The following ACBD6 variants were observed in gnomAD, a reference collection of about 807,000 sequenced individuals.
ACBD6 encodes acyl-CoA binding domain containing 6, also known as acyl-CoA-binding domain-containing protein 6.
In ACBD6, 28 loss-of-function variants were observed where a neutral mutation model predicts 37.2. The ratio of observed to expected loss-of-function variants is 0.75; its 90% confidence interval spans 0.56 to 1.03. The LOEUF is 1.03. Among genes scored for constraint, ACBD6 ranks in the 50% least tolerant of loss-of-function variants. ACBD6 has a pLI of 0.00. For synonymous variants in ACBD6, 113 were observed against 126.8 expected, an observed-to-expected ratio of 0.89 and a Z score of 0.73; for missense variants, 340 against 337.4, an observed-to-expected ratio of 1.01 and a Z score of -0.06.
intron 7 of ACBD6, among the ~76,000 whole-genome samples, chr1:180,291,844 G>C (rs1649720883): frequency 6.6e-6 from 1 of 151,898 alleles, no homozygotes; most frequent in East Asian, 1.9e-4. Flanking sequence ...TACCTTCCCA[G>C]TTAATTTTTG....
chr1:180,352,234 A>G (rs1652447607), intron 6 of ACBD6, among the ~76,000 whole-genome samples: 1 of 152,128 alleles, frequency 6.6e-6, no homozygotes, highest in African/African-American at 2.4e-5. Flanking sequence ...TGATTGCACA[A>G]CAATGTGAAT....
intron 1 of ACBD6, among the ~76,000 whole-genome samples, chr1:180,501,308 A>G (rs1413525556): frequency 6.6e-6 from 1 of 151,740 alleles, no homozygotes; most frequent in Non-Finnish European, 1.5e-5. Context: ...AATCACAATA[A>G]AAGTTGTAAT....
intron 2 of ACBD6, among the ~76,000 whole-genome samples, chr1:180,493,819 T>C (rs1229327198): frequency 1.3e-5 from 2 of 152,014 alleles, no homozygotes; most frequent in Non-Finnish European, 2.9e-5. Flanking sequence ...GTCTTCCACA[T>C]TGTTGGTATT....
chr1:180,366,826 T>G (rs1453379726), intron 6 of ACBD6, among the ~76,000 whole-genome samples: 2 of 152,170 alleles, frequency 1.3e-5, no homozygotes, highest in East Asian at 1.9e-4. Context: ...TATTACTATA[T>G]CCTCATAAAA....
intron 6 of ACBD6, among the ~76,000 whole-genome samples, chr1:180,347,806 C>G (rs541033636): frequency 1.3e-5 from 2 of 152,036 alleles, no homozygotes; most frequent in South Asian, 4.1e-4. Context: ...CCCATCTCTA[C>G]TAAAAATACA....
chr1:180,314,098 T>C (rs1369773709), intron 7 of ACBD6, among the ~76,000 whole-genome samples: 1 of 152,222 alleles, frequency 6.6e-6, no homozygotes, highest in Non-Finnish European at 1.5e-5. Context: ...GATTTTAACA[T>C]CTTTCTTGTC....
At position 180,421,260 on chromosome 1, in the gene ACBD6, T is replaced by C. The variant is rs143129712; in HGVS notation, c.468-7789A>G. On this transcript the variant is annotated intron_variant, in intron 4 of 7. Coordinates refer to ENST00000367595, the MANE Select transcript of ACBD6 (RefSeq NM_032360.4). ...CAGCTCCCACTTACAAGTGAGAACATGTGGTGTTTGGTTTTCTCTTCCTGT... is the reference window on the plus strand; with the variant it reads ...CAGCTCCCACTTACAAGTGAGAACACGTGGTGTTTGGTTTTCTCTTCCTGT... 3.5e-3 allele frequency among the ~76,000 whole-genome samples: 530 copies of C among 152,292 alleles called. 2 individuals carry two copies. The highest frequency in any genetic ancestry group is 0.012 in the African/African-American group (509 of 41,554).
intron 6 of ACBD6, among the ~76,000 whole-genome samples, chr1:180,326,107 A>C (rs1558250686): frequency 6.6e-6 from 1 of 152,200 alleles, no homozygotes; most frequent in Non-Finnish European, 1.5e-5. Context: ...CCTTTCCTTC[A>C]GGGAAGCAAG....
At chr1:180,428,892 C>G (rs1200026423) in intron 4 of ACBD6, among the ~76,000 whole-genome samples, 1 of 152,072 alleles carries the variant, frequency 6.6e-6, no homozygotes, top group Non-Finnish European at 1.5e-5. Flanking sequence ...TTAGGATAGG[C>G]ATATCACAGA....
intron 1 of ACBD6, 33 bp from the exon 2 acceptor site, chr1:180,495,558 T>C (rs780069635): frequency 6.6e-7 from 1 of 1,518,654 alleles, no homozygotes; most frequent in South Asian, 1.1e-5. Context: ...AGAACTTATT[T>C]TTCAAAGAAA....
intron 3 of ACBD6, among the ~76,000 whole-genome samples, chr1:180,456,978 A>G (rs376759169): frequency 2.0e-5 from 3 of 152,204 alleles, no homozygotes; most frequent in African/African-American, 7.2e-5. Flanking sequence ...CACTATAACA[A>G]GTATTTAAAA....
chr1:180,477,176 G>A (rs1235181262), intron 3 of ACBD6, among the ~76,000 whole-genome samples: 1 of 152,032 alleles, frequency 6.6e-6, no homozygotes, highest in African/African-American at 2.4e-5. Context: ...TCACAACAGG[G>A]CATGCAATTT....
intron 6 of ACBD6, among the ~76,000 whole-genome samples, chr1:180,340,739 GC>G: frequency 6.6e-6 from 1 of 152,060 alleles, no homozygotes. Context: ...TTAACCAGAA[GC>G]CCAGATAGTT....
intron 10 of ACBD6, chr1:180,274,525 C>G (rs1454556656): frequency 2.5e-6 from 4 of 1,606,582 alleles, no homozygotes; most frequent in Non-Finnish European, 3.4e-6. Context: ...GCTATCCCGA[C>G]TTTCCAACTA....
At chr1:180,319,379 C>T (rs536530860) in intron 6 of ACBD6, among the ~76,000 whole-genome samples, 2 of 152,104 alleles carry the variant, frequency 1.3e-5, no homozygotes, top group South Asian at 2.1e-4. Context: ...TGTGGGTACA[C>T]AGTAGGTATA....
intron 3 of ACBD6, among the ~76,000 whole-genome samples, chr1:180,480,856 C>A (rs1651007626): frequency 6.6e-6 from 1 of 152,144 alleles, no homozygotes; most frequent in East Asian, 1.9e-4. Flanking sequence ...CATGGTGAGG[C>A]CTTGTCTCTA....
intron 3 of ACBD6, among the ~76,000 whole-genome samples, chr1:180,441,714 T>A (rs927983420): frequency 6.6e-6 from 1 of 152,242 alleles, no homozygotes; most frequent in Non-Finnish European, 1.5e-5. Context: ...GATTTCTGCA[T>A]GCTGATCTTA....
At chr1:180,278,652 A>G (rs1050733609) in intron 9 of ACBD6, 3 of 151,326 alleles carry the variant, frequency 2.0e-5, no homozygotes, top group Non-Finnish European at 4.4e-5. Context: ...CCACTTGAGG[A>G]CTGTGTTCGG....
At chr1:180,341,128 T>C (rs1347971052) in intron 6 of ACBD6, among the ~76,000 whole-genome samples, 3 of 152,136 alleles carry the variant, frequency 2.0e-5, no homozygotes, top group Non-Finnish European at 4.4e-5. Context: ...AAGTCTACTA[T>C]ATACCAGGGA....
Sources: gnomAD v4.1 joint callset for allele counts (sites outside exome capture counted in the v4.1 genomes callset) on GRCh38, gnomAD v4.1.1 for gene constraint, MANE v1.5 for transcripts, NCBI Gene and HGNC (gene_info 2026-07-23, HGNC 2026-07-21) for gene names.